Variants in KIF13B observed in about 807,000 individuals in gnomAD.
KIF13B encodes the protein kinesin-like protein KIF13B.
In KIF13B, 127 loss-of-function variants were observed where a neutral mutation model predicts 222.0. The ratio of observed to expected loss-of-function variants is 0.57; its 90% CI spans 0.50 to 0.66. KIF13B has a LOEUF of 0.66. Ranked by LOEUF, KIF13B falls within the 30% of genes least tolerant of loss-of-function variation. The pLI is 0.00. For synonymous variants in KIF13B, 976 were observed against 919.0 expected, an observed-to-expected ratio of 1.06 and a Z score of -1.12; for missense variants, 2,173 against 2,379.0, an observed-to-expected ratio of 0.91 and a Z score of 1.80.
intron 23 of KIF13B, among the ~76,000 whole-genome samples, chr8:29,131,494 T>C (rs1586820190): frequency 6.6e-6 from 1 of 152,208 alleles, no homozygotes; most frequent in East Asian, 1.9e-4. Flanking sequence ...AATTTAGTAT[T>C]TGCTAAACTA....
intron 2 of KIF13B, among the ~76,000 whole-genome samples, chr8:29,239,805 G>A (rs1265267685): frequency 6.6e-6 from 1 of 152,154 alleles, no homozygotes; most frequent in Non-Finnish European, 1.5e-5. Flanking sequence ...TGGCATTACA[G>A]GTGCCCGCCA....
At chr8:29,123,954 C>T in intron 27 of KIF13B, 70 bp downstream of exon 27, 2 of 935,836 alleles carry the variant, frequency 2.1e-6, no homozygotes, top group Admixed American at 2.1e-5. Context: ...ACTGATGTGG[C>T]TACAAAGGGA....
At chr8:29,228,472 A>AAAAAAAAAAAAAAT in intron 2 of KIF13B, among the ~76,000 whole-genome samples, 15 of 117,058 alleles carry the variant, frequency 1.3e-4, no homozygotes, top group East Asian at 2.1e-4. Context: ...ATCTTAAAAA[A>AAAAAAAAAAAAAAT]ATATATATAT....
chr8:29,142,879 C>A (rs1054372513), intron 18 of KIF13B, among the ~76,000 whole-genome samples: 1 of 148,734 alleles, frequency 6.7e-6, no homozygotes, highest in African/African-American at 2.5e-5. Flanking sequence ...AAAGAGACAG[C>A]ATCTCACTCT....
intron 2 of KIF13B, among the ~76,000 whole-genome samples, chr8:29,214,053 A>G (rs1814362693): frequency 6.6e-6 from 1 of 152,268 alleles, no homozygotes; most frequent in Non-Finnish European, 1.5e-5. Context: ...TTTACCATCA[A>G]TGCAGTTTGC....
intron 29 of KIF13B, among the ~76,000 whole-genome samples, chr8:29,120,804 A>G (rs557017744): frequency 2.7e-4 from 2 of 7,476 alleles, no homozygotes; most frequent in South Asian, 7.4e-3. Context: ...CAACAGTGTA[A>G]AAGTGTTCCT....
chr8:29,230,008 GAATA>G (rs1815213565), intron 2 of KIF13B, among the ~76,000 whole-genome samples: 2 of 152,130 alleles, frequency 1.3e-5, no homozygotes, highest in African/African-American at 2.4e-5. Flanking sequence ...GAGTTGACAA[GAATA>G]AATAAATCAA....
At chr8:29,108,796 C>T (rs114743312) in intron 34 of KIF13B, among the ~76,000 whole-genome samples, 3,470 of 152,284 alleles carry the variant, frequency 0.023, 116 homozygotes, top group African/African-American at 0.079. Context: ...TCTCACAATG[C>T]TTGTGCTGTA....
intron 35 of KIF13B, among the ~76,000 whole-genome samples, chr8:29,104,916 C>T (rs60816133): frequency 0.18 from 27,138 of 150,630 alleles, 3,259 homozygotes; most frequent in African/African-American, 0.35. Context: ...GGCTAATTTT[C>T]TGTATTTTTA....
intron 1 of KIF13B, among the ~76,000 whole-genome samples, chr8:29,262,231 C>A (rs140049067): frequency 6.6e-6 from 1 of 152,272 alleles, no homozygotes; most frequent in Non-Finnish European, 1.5e-5. Flanking sequence ...TAAATGTACT[C>A]GGTTTATCTG....
In KIF13B at chr8:29,068,816, G is replaced by A. The variant is rs1303379313; in HGVS notation, c.*1688C>T. On this transcript the variant is annotated 3_prime_UTR_variant, in exon 40 of 40. Transcript: ENST00000524189. The surrounding 1 kb of genome is among the most constrained non-coding windows in gnomAD (Gnocchi z 4.4). Reference sequence around the variant, plus strand: ...GTGCTGGGAAGCGGGTTGAGTTAAAGGGCAAGGCAGAGGTGACAGCTCTTC... The same window carrying A: ...GTGCTGGGAAGCGGGTTGAGTTAAAAGGCAAGGCAGAGGTGACAGCTCTTC... 1 of 152,388 alleles carries A rather than the reference G, an allele frequency of 6.6e-6. No individual in the cohort carries two copies. The allele number at this position is 152,388 out of a possible 1,614,324, so 9.4% of individuals were successfully genotyped here. A position where few individuals can be genotyped will look rare whatever the true frequency, so the allele number is the denominator to read the frequency against.
intron 32 of KIF13B, chr8:29,110,522 G>T (rs142444794): frequency 9.4e-4 from 156 of 165,110 alleles, no homozygotes; most frequent in African/African-American, 3.6e-3. Context: ...GAAGGGAGAA[G>T]ATAGTGGACA....
rs761898993 is a variant in KIF13B, at chr8:29,092,871, A to G, written c.4332T>C (p.Ser1444=). The G allele has an allele frequency of 3.1e-6, 5 of 1,609,722 alleles. No individual in the cohort carries two copies. The highest frequency in any genetic ancestry group is 1.7e-4 in the Middle Eastern group (1 of 6,056). ...QNNHSPDPGL[S]NLAASYLNPV... is the part of the protein sequence containing the mutation. Reference sequence around the variant, plus strand: ...GATTCAAGTAGGATGCTGCAAGGTTACTGAGTCCTGCCCATATTACAGGGG... The same window carrying G: ...GATTCAAGTAGGATGCTGCAAGGTTGCTGAGTCCTGCCCATATTACAGGGG... Residue 1444 remains serine (S), a synonymous_variant, in exon 37 of 40, where the codon AGT becomes AGC. Coordinates refer to ENST00000524189, the MANE Select transcript of KIF13B (RefSeq NM_015254.4).
chr8:29,076,133 G>C (rs1390955490), intron 37 of KIF13B, among the ~76,000 whole-genome samples: 1 of 152,200 alleles, frequency 6.6e-6, no homozygotes, highest in Non-Finnish European at 1.5e-5. Flanking sequence ...GAAGGAACCA[G>C]AGCATCATTC....
Position 29,071,893 on chromosome 8 carries a change from G to GGACGC in KIF13B, c.4940_4944dup (p.Arg1649AlafsTer71). ...CGCAACTCCGAGGCCCGCACCCTCC[G>GGACGC]GACGCGGAACGGGGAGCCGGGCGCC... On this transcript the variant is annotated frameshift_variant, in exon 39 of 40. Coordinates refer to ENST00000524189, the MANE Select transcript of KIF13B (RefSeq NM_015254.4). LOFTEE classifies it high-confidence loss of function. This position sits in a 1 kb window ranked among gnomAD's most constrained non-coding sequence, Gnocchi z 4.9. 2.0e-6 allele frequency: 3 copies of GGACGC among 1,486,030 alleles called. No homozygotes were observed. Among genetic ancestry groups the GGACGC allele is most frequent in the Non-Finnish European group, 2.7e-6 (3 of 1,129,818 alleles). 92.1% of individuals were successfully genotyped at this position (1,486,030 alleles called of 1,614,324 possible).
chr8:29,180,663 G>C (rs1327525140), intron 7 of KIF13B, among the ~76,000 whole-genome samples: 1 of 152,094 alleles, frequency 6.6e-6, no homozygotes. Flanking sequence ...CTTCATACAG[G>C]CATATCACCG....
intron 10 of KIF13B, among the ~76,000 whole-genome samples, chr8:29,174,019 G>C (rs537897807): frequency 6.6e-6 from 1 of 151,372 alleles, no homozygotes; most frequent in Non-Finnish European, 1.5e-5. Flanking sequence ...TTAAGGTATA[G>C]AGCACGTTTG....
intron 3 of KIF13B, among the ~76,000 whole-genome samples, chr8:29,192,469 T>A (rs1563775207): frequency 6.6e-6 from 1 of 152,234 alleles, no homozygotes; most frequent in Non-Finnish European, 1.5e-5. Flanking sequence ...CAGGCTGGTC[T>A]CAGACTCCTG....
rs532454474 is a variant in KIF13B, at chr8:29,166,141, T to A, written c.1159-369A>T. On this transcript the variant is annotated intron_variant, in intron 11 of 39. Coordinates refer to ENST00000524189, the MANE Select transcript of KIF13B (RefSeq NM_015254.4). Reference sequence around the variant, plus strand: ...AGCCCTTATTGATGACTTCAGGAATTTATCCACATATGTACAGACTAAATG... The same window carrying A: ...AGCCCTTATTGATGACTTCAGGAATATATCCACATATGTACAGACTAAATG... 2.8e-4 allele frequency among the ~76,000 whole-genome samples: 42 copies of A among 152,320 alleles called. 1 individual carries two copies. The South Asian group carries it at 4.8e-3, about 17-fold the overall frequency.
Sources: gnomAD v4.1 joint callset for allele counts (sites outside exome capture counted in the v4.1 genomes callset) on GRCh38, gnomAD v4.1.1 for gene constraint, Gnocchi (gnomAD v3.1) non-coding constraint, MANE v1.5 for transcripts, NCBI Gene and HGNC (gene_info 2026-07-23, HGNC 2026-07-21) for gene names.